The following ARHGAP28 variants were observed in gnomAD, a reference collection of about 807,000 sequenced individuals.
ARHGAP28 encodes Rho GTPase activating protein 28.
ARHGAP28 carries 56 observed loss-of-function variants against 90.7 expected under a neutral mutation model. The observed-to-expected ratio is 0.62, with a 90% CI of 0.50 to 0.77. ARHGAP28 has a LOEUF of 0.77. ARHGAP28 is among the 30% of genes least tolerant of loss of function. The pLI is 0.00. For synonymous variants in ARHGAP28, 308 were observed against 323.3 expected (o/e 0.95, Z 0.51); for missense variants, 869 against 900.9 (o/e 0.96, Z 0.45).
chr18:6,873,139 G>A (rs2057103020), intron 7 of ARHGAP28, among the ~76,000 whole-genome samples: 1 of 152,188 alleles, frequency 6.6e-6, no homozygotes, highest in Admixed American at 6.5e-5. Flanking sequence ...AATATTGGGT[G>A]TTCCTTATAA....
At chr18:6,805,931 C>T (rs1186617088) in intron 1 of ARHGAP28, among the ~76,000 whole-genome samples, 1 of 152,102 alleles carries the variant, frequency 6.6e-6, no homozygotes, top group Non-Finnish European at 1.5e-5. Context: ...TGTCGCCAGG[C>T]TGGAGTGCAG....
At chr18:6,870,989 A>T (rs566490018) in intron 7 of ARHGAP28, among the ~76,000 whole-genome samples, 2 of 152,194 alleles carry the variant, frequency 1.3e-5, no homozygotes, top group African/African-American at 4.8e-5. Flanking sequence ...TTTGGTAGAG[A>T]TGGGGTTTCA....
At chr18:6,874,652 C>T (rs1337467282) in intron 9 of ARHGAP28, 4 of 152,156 alleles carry the variant, frequency 2.6e-5, no homozygotes, top group Non-Finnish European at 4.4e-5. Flanking sequence ...ACTTGTTTAG[C>T]TTCCTATATT....
intron 11 of ARHGAP28, among the ~76,000 whole-genome samples, chr18:6,886,374 G>A (rs1392508761): frequency 6.6e-6 from 1 of 152,022 alleles, no homozygotes; most frequent in African/African-American, 2.4e-5. Flanking sequence ...ACAGCTGGTC[G>A]TGGATTATCC....
intron 15 of ARHGAP28, among the ~76,000 whole-genome samples, chr18:6,895,577 C>G (rs2057298776): frequency 6.6e-6 from 1 of 152,196 alleles, no homozygotes; most frequent in African/African-American, 2.4e-5. Context: ...TGCCAGTAAT[C>G]CTCGGCATTC....
intron 1 of ARHGAP28, among the ~76,000 whole-genome samples, chr18:6,739,972 A>T (rs973178949): frequency 6.6e-6 from 1 of 151,342 alleles, no homozygotes; most frequent in Non-Finnish European, 1.5e-5. Context: ...CTCCTGCCTC[A>T]GCCTCCCAAG....
At chr18:6,822,188 A>G (rs374622124) in intron 1 of ARHGAP28, among the ~76,000 whole-genome samples, 4 of 152,196 alleles carry the variant, frequency 2.6e-5, no homozygotes, top group East Asian at 3.8e-4. Context: ...CTTATACTGC[A>G]TTATAATTTT....
At chr18:6,893,929 C>T (rs1309850536) in intron 14 of ARHGAP28, among the ~76,000 whole-genome samples, 5 of 146,254 alleles carry the variant, frequency 3.4e-5, no homozygotes, top group Non-Finnish European at 6.0e-5. Context: ...TGCAGTGGCG[C>T]GATCTCGGCT....
chr18:6,770,870 A>T (rs926364136), intron 1 of ARHGAP28, among the ~76,000 whole-genome samples: 1 of 152,140 alleles, frequency 6.6e-6, no homozygotes, highest in Non-Finnish European at 1.5e-5. Context: ...TGTGAAAGTC[A>T]GTCAGTTTTG....
chr18:6,792,050 G>A (rs1326217163), intron 1 of ARHGAP28, among the ~76,000 whole-genome samples: 1 of 152,040 alleles, frequency 6.6e-6, no homozygotes, highest in Admixed American at 6.6e-5. Context: ...ACCTGCCTCG[G>A]CCTCCCAAAG....
chr18:6,782,347 G>T (rs2056330488), intron 1 of ARHGAP28, among the ~76,000 whole-genome samples: 1 of 152,018 alleles, frequency 6.6e-6, no homozygotes, highest in Non-Finnish European at 1.5e-5. Context: ...CTCGATTAGA[G>T]TATTAATGAG....
chr18:6,783,682 C>A (rs972535439), intron 1 of ARHGAP28, among the ~76,000 whole-genome samples: 1 of 152,196 alleles, frequency 6.6e-6, no homozygotes, highest in African/African-American at 2.4e-5. Context: ...CACTTTGAGA[C>A]GCTCTGCGGG....
Position 6,876,112 on chromosome 18 carries a change from A to T in ARHGAP28, c.1213-19A>T. 6.3e-7 allele frequency: 1 copy of T among 1,591,642 alleles called. No individual in the cohort carries two copies. Among genetic ancestry groups the T allele is most frequent in the Admixed American group, 1.7e-5 (1 of 59,972 alleles). On this transcript the variant is annotated intron_variant, in intron 9 of 17. Coordinates refer to ENST00000383472, the MANE Select transcript of ARHGAP28 (RefSeq NM_001366230.1). ...TCATATAGAGGTACTTATTCTGGTA[A>T]TATATCATTGCTTTCTAGTTTTTTG... is the stretch of plus-strand genomic sequence containing the variant.
At chr18:6,831,994 A>G (rs551396629) in intron 2 of ARHGAP28, among the ~76,000 whole-genome samples, 2 of 152,172 alleles carry the variant, frequency 1.3e-5, no homozygotes, top group Admixed American at 6.5e-5. Flanking sequence ...AGTAAAATCT[A>G]CATCTCCTTT....
chr18:6,762,990 G>T (rs918737591), intron 1 of ARHGAP28, among the ~76,000 whole-genome samples: 1 of 152,174 alleles, frequency 6.6e-6, no homozygotes, highest in Non-Finnish European at 1.5e-5. Flanking sequence ...GGTGCCCTCT[G>T]ATTGGCATAA....
At chr18:6,887,316 G>A (rs1440181734) in intron 12 of ARHGAP28, 77 bp downstream of exon 12, 1 of 1,411,748 alleles carries the variant, frequency 7.1e-7, no homozygotes, top group Non-Finnish European at 9.9e-7. Context: ...GAAAATGAAA[G>A]TGGAGATGAC....
intron 1 of ARHGAP28, among the ~76,000 whole-genome samples, chr18:6,823,643 G>T (rs369381208): frequency 6.8e-6 from 1 of 147,290 alleles, no homozygotes. Flanking sequence ...ATTTTATTTA[G>T]GGACATATTT....
At chr18:6,744,985 T>C (rs2056010523) in intron 1 of ARHGAP28, among the ~76,000 whole-genome samples, 5 of 151,952 alleles carry the variant, frequency 3.3e-5, no homozygotes. Flanking sequence ...TTAATTTAAC[T>C]ATGTTTATAT....
At chr18:6,872,724 T>C (rs1163913469) in intron 7 of ARHGAP28, among the ~76,000 whole-genome samples, 1 of 152,218 alleles carries the variant, frequency 6.6e-6, no homozygotes, top group East Asian at 1.9e-4. Context: ...TTTGCTGCTG[T>C]TGTTGTTTTA....
Sources: allele counts gnomAD v4.1 joint callset (sites outside exome capture counted in the v4.1 genomes callset), GRCh38; gene constraint gnomAD v4.1.1; transcripts MANE v1.5; gene names NCBI Gene and HGNC (gene_info 2026-07-23, HGNC 2026-07-21).